STK3: variants seen among roughly 807,000 people sequenced by gnomAD.
The protein encoded by STK3 is serine/threonine-protein kinase 3.
A neutral mutation model predicts 58.0 loss-of-function variants in STK3; 41 were observed. That is an observed-to-expected ratio of 0.71 (90% confidence interval 0.55 to 0.92). The LOEUF (loss-of-function observed/expected upper bound fraction) is 0.92. Among genes scored for constraint, STK3 ranks in the 40% least tolerant of loss-of-function variants. The pLI is 0.00. For missense variants in STK3, 479 were observed against 602.7 expected (o/e 0.79, Z 2.15); for synonymous variants, 170 against 191.0 (o/e 0.89, Z 0.91).
At chr8:98,396,179 AG>A (rs1817895711) in intron 3 of STK3, among the ~76,000 whole-genome samples, 1 of 152,262 alleles carries the variant, frequency 6.6e-6, no homozygotes, top group Non-Finnish European at 1.5e-5. Context: ...AATAAAGACA[AG>A]GATTATAAAA....
chr8:98,609,385 A>T (rs1001719328), intron 6 of STK3, among the ~76,000 whole-genome samples: 1 of 152,206 alleles, frequency 6.6e-6, no homozygotes, highest in Non-Finnish European at 1.5e-5. Flanking sequence ...TAAGCCATGA[A>T]ATTTTTATCT....
At chr8:98,864,714 C>T (rs1837067774) in intron 3 of STK3, among the ~76,000 whole-genome samples, 1 of 152,198 alleles carries the variant, frequency 6.6e-6, no homozygotes, top group African/African-American at 2.4e-5. Flanking sequence ...TTATCTGCTA[C>T]ATCAAAGGTC....
At chr8:98,387,204 C>A (rs59944509) in intron 1 of STK3, among the ~76,000 whole-genome samples, 5 of 151,832 alleles carry the variant, frequency 3.3e-5, no homozygotes, top group African/African-American at 1.2e-4. Context: ...AAATACAAAG[C>A]GGTTTTTTCA....
intron 3 of STK3, among the ~76,000 whole-genome samples, chr8:98,766,859 A>T (rs900727808): frequency 6.6e-6 from 1 of 152,224 alleles, no homozygotes; most frequent in Non-Finnish European, 1.5e-5. Flanking sequence ...ATGGTAGCTC[A>T]CGCCTGTAAT....
At chr8:98,650,187 C>G (rs1050944496) in intron 6 of STK3, among the ~76,000 whole-genome samples, 3 of 152,176 alleles carry the variant, frequency 2.0e-5, no homozygotes, top group African/African-American at 7.2e-5. Context: ...TTTTCCTCTT[C>G]TTTTCTAATG....
intron 1 of STK3, among the ~76,000 whole-genome samples, chr8:98,386,742 G>A (rs2096732728): frequency 6.6e-6 from 1 of 152,168 alleles, no homozygotes; most frequent in African/African-American, 2.4e-5. Flanking sequence ...CACTTTGGGA[G>A]GCCACAGTGG....
At chr8:98,594,289 C>T (rs968270315) in intron 7 of STK3, among the ~76,000 whole-genome samples, 1 of 151,712 alleles carries the variant, frequency 6.6e-6, no homozygotes, top group African/African-American at 2.4e-5. Flanking sequence ...GGGGGCAATA[C>T]AGTGAGACCC....
intron 10 of STK3, among the ~76,000 whole-genome samples, chr8:98,514,883 C>T (rs956967810): frequency 4.6e-5 from 7 of 152,080 alleles, no homozygotes; most frequent in African/African-American, 1.2e-4. Flanking sequence ...TTAGCTTATC[C>T]TCCACACACA....
At chr8:98,541,275 G>T (rs143345485) in intron 9 of STK3, among the ~76,000 whole-genome samples, 1 of 152,172 alleles carries the variant, frequency 6.6e-6, no homozygotes, top group Non-Finnish European at 1.5e-5. Context: ...GATCACGGGG[G>T]TAGTTTCTAA....
intron 1 of STK3, among the ~76,000 whole-genome samples, chr8:98,813,227 A>G (rs770200341): frequency 3.3e-5 from 5 of 152,184 alleles, no homozygotes; most frequent in Non-Finnish European, 7.4e-5. Flanking sequence ...CAGAAAAGCT[A>G]AATAACTTGC....
At chr8:98,479,488 G>A (rs1046307271) in intron 10 of STK3, among the ~76,000 whole-genome samples, 5 of 10,926 alleles carry the variant, frequency 4.6e-4, no homozygotes, top group Non-Finnish European at 7.6e-4. Context: ...CTCCGTCTCG[G>A]GGGGGGGGGG....
intron 6 of STK3, among the ~76,000 whole-genome samples, chr8:98,689,607 C>G (rs1318297340): frequency 1.3e-5 from 2 of 151,996 alleles, no homozygotes; most frequent in Non-Finnish European, 2.9e-5. Context: ...ATATTGAGAT[C>G]CCATCTCTCC....
chr8:98,443,762 C>T (rs1355241465), intron 1 of STK3, among the ~76,000 whole-genome samples: 3 of 152,010 alleles, frequency 2.0e-5, no homozygotes, highest in African/African-American at 2.4e-5. Flanking sequence ...GCAGGAAAAT[C>T]GCTTGAACCT....
chr8:98,632,559 G>T (rs1182734520), intron 6 of STK3, among the ~76,000 whole-genome samples: 1 of 152,088 alleles, frequency 6.6e-6, no homozygotes, highest in African/African-American at 2.4e-5. Flanking sequence ...TAGATCTGAC[G>T]CAGAGGAAAA....
chr8:98,525,897 C>T (rs1825709181), intron 10 of STK3, among the ~76,000 whole-genome samples: 1 of 151,662 alleles, frequency 6.6e-6, no homozygotes, highest in Non-Finnish European at 1.5e-5. Context: ...AAAAAATGTA[C>T]ATATTTATAT....
intron 8 of STK3, among the ~76,000 whole-genome samples, chr8:98,562,033 C>T (rs1027389688): frequency 3.3e-5 from 5 of 152,026 alleles, no homozygotes; most frequent in South Asian, 2.1e-4. Context: ...ACTACTGGTG[C>T]GCAGCAACAG....
downstream of STK3, chr8:98,454,556 C>T (rs1277444565): frequency 6.6e-6 from 1 of 152,304 alleles, no homozygotes; most frequent in Non-Finnish European, 1.5e-5. Context: ...CTAGCCTGTC[C>T]TAACTAATAT....
intron 1 of STK3, chr8:98,782,151 T>C (rs1587606717): frequency 1.3e-5 from 3 of 227,256 alleles, no homozygotes; most frequent in East Asian, 2.2e-4. Context: ...TGCCAACTCC[T>C]GTCAGCAGAT....
chr8:98,786,364 T>TA (rs888768953), intron 1 of STK3, among the ~76,000 whole-genome samples: 8 of 152,006 alleles, frequency 5.3e-5, no homozygotes, highest in African/African-American at 1.9e-4. Context: ...CTGGAAAACA[T>TA]AAAGAGACCG....
Sources: gnomAD v4.1 joint callset for allele counts (sites outside exome capture counted in the v4.1 genomes callset) on GRCh38, gnomAD v4.1.1 for gene constraint, MANE v1.5 for transcripts, NCBI Gene and HGNC (gene_info 2026-07-23, HGNC 2026-07-21) for gene names.